The following DIO2 variants were observed in gnomAD, a reference collection of about 807,000 sequenced individuals.
DIO2 encodes type II iodothyronine deiodinase.
Under a neutral mutation model 21.4 loss-of-function variants are expected in DIO2, and 19 were observed. The ratio of observed to expected loss-of-function variants is 0.89; its 90% CI spans 0.62 to 1.30. The LOEUF is 1.30. Among genes scored for constraint, DIO2 ranks in the 50% most tolerant of loss-of-function variants. The pLI, the probability that DIO2 is intolerant of heterozygous loss-of-function variation, is 0.00. For synonymous variants in DIO2, 122 were observed against 132.9 expected (o/e 0.92, Z 0.57); for missense variants, 302 against 338.1 (o/e 0.89, Z 0.84).
chr14:80,213,133 C>T (rs796421767), upstream of DIO2, among the ~76,000 whole-genome samples: 39 of 152,324 alleles, frequency 2.6e-4, no homozygotes, highest in African/African-American at 9.4e-4. Context: ...CAAGGTGCCA[C>T]ATTGACCATT....
At chr14:80,204,162 T>G (rs1887858967) in intron 1 of DIO2, among the ~76,000 whole-genome samples, 1 of 152,096 alleles carries the variant, frequency 6.6e-6, no homozygotes, top group African/African-American at 2.4e-5. Flanking sequence ...CTGCCACTGC[T>G]TACAAGGTGG....
intron 2 of DIO2, among the ~76,000 whole-genome samples, chr14:80,227,724 T>G (rs1390588615): frequency 3.9e-5 from 6 of 152,196 alleles, no homozygotes; most frequent in Non-Finnish European, 1.5e-5. Context: ...AAGAGCAGCT[T>G]GCACAGCAGC....
At chr14:80,204,567 G>T (rs1024686042) in intron 1 of DIO2, among the ~76,000 whole-genome samples, 1 of 152,100 alleles carries the variant, frequency 6.6e-6, no homozygotes, top group African/African-American at 2.4e-5. Context: ...CCTTAGAATG[G>T]TTTAATCAAA....
At chr14:80,228,992 G>A (rs1888632596) in intron 2 of DIO2, among the ~76,000 whole-genome samples, 1 of 152,144 alleles carries the variant, frequency 6.6e-6, no homozygotes, top group Non-Finnish European at 1.5e-5. Context: ...AAGATTCACT[G>A]CATAAACTGT....
Position 80,203,376 on chromosome 14 carries a change from G to A in DIO2, c.223-88C>T, listed in dbSNP as rs116508894. On this transcript the variant is annotated intron_variant, in intron 1 of 1. Transcript: ENST00000438257. ...TTGCCACTTGAATTCACATTAAATA[G>A]TTACAATTGGCTCTAATAGAGTGTG... is the stretch of plus-strand genomic sequence containing the variant. 782 of 1,401,662 alleles carry A rather than the reference G, an allele frequency of 5.6e-4. 5 individuals are homozygous for A. In the African/African-American group the frequency reaches 0.011, roughly 19 times the overall value. The allele number at this position is 1,401,662 out of a possible 1,614,324, so 86.8% of individuals were successfully genotyped here.
chr14:80,220,246 T>G (rs897171025), intron 2 of DIO2, among the ~76,000 whole-genome samples: 4 of 152,174 alleles, frequency 2.6e-5, no homozygotes, highest in Non-Finnish European at 5.9e-5. Context: ...TCATTGTTTT[T>G]GACAGTCCCT....
intron 1 of DIO2, among the ~76,000 whole-genome samples, chr14:80,204,102 A>G (rs1466577925): frequency 1.3e-5 from 2 of 151,990 alleles, no homozygotes; most frequent in African/African-American, 2.4e-5. Flanking sequence ...AAATGCCCTG[A>G]GCAAAGCTTT....
intron 3 of DIO2, among the ~76,000 whole-genome samples, chr14:80,216,508 A>G (rs2140014607): frequency 6.6e-6 from 1 of 152,280 alleles, no homozygotes; most frequent in Admixed American, 6.5e-5. Context: ...CTTGACTCTT[A>G]TTTGGTTTTG....
intron 2 of DIO2, among the ~76,000 whole-genome samples, chr14:80,223,865 C>T (rs1198757735): frequency 2.6e-5 from 4 of 152,066 alleles, no homozygotes; most frequent in Non-Finnish European, 4.4e-5. Flanking sequence ...CTTTAGACAC[C>T]AAGTCAGTAC....
At chr14:80,230,002 G>T in intron 2 of DIO2, among the ~76,000 whole-genome samples, 1 of 152,168 alleles carries the variant, frequency 6.6e-6, no homozygotes, top group East Asian at 1.9e-4. Context: ...GTTGGGGGTA[G>T]CTCCTGAGGA....
At position 80,203,285 on chromosome 14, in the gene DIO2, T is replaced by A; in HGVS notation, c.226A>T (p.Lys76Ter). 6.6e-7 allele frequency: 1 copy of A among 1,505,708 alleles called. No homozygotes were observed. The highest frequency in any genetic ancestry group is 1.3e-5 in the South Asian group (1 of 78,308). 93.3% of individuals were successfully genotyped at this position (1,505,708 alleles called of 1,614,324 possible). ...SFLLDAYKQV[K>*]LGEDAPNSSV... ...GAATTGGGGGCATCCTCACCCAATT[T>A]CACCTGACGGTAAAAAAAAAAAAAA... The change falls in exon 2 of 2, where the codon AAA becomes TAA. Residue 76 changes from lysine (K) to a stop codon, truncating the protein, a stop_gained. Coordinates refer to ENST00000438257, the MANE Select transcript of DIO2 (RefSeq NM_013989.5). LOFTEE classifies it high-confidence loss of function.
At position 80,203,257 on chromosome 14, in the gene DIO2, C is replaced by T. The variant is rs1488001825; in HGVS notation, c.254G>A (p.Ser85Asn). 5 of 1,596,060 alleles carry T rather than the reference C, an allele frequency of 3.1e-6. No homozygotes were observed. The highest frequency in any genetic ancestry group is 3.4e-6 in the Non-Finnish European group (4 of 1,171,924). Residue 85 changes from serine to asparagine, a missense_variant, in exon 2 of 2, where the codon AGT becomes AAT. Physicochemically the swap from Ser to Asn is conservative, Grantham distance 46. Coordinates refer to ENST00000438257, the MANE Select transcript of DIO2 (RefSeq NM_013989.5). ...VKLGEDAPNS[S>N]VVHVSSTEGG... ...TTCTGTACTGGAGACATGCACCACACTGGAATTGGGGGCATCCTCACCCAA... is the reference window on the plus strand; with the variant it reads ...TTCTGTACTGGAGACATGCACCACATTGGAATTGGGGGCATCCTCACCCAA...
intron 1 of DIO2, among the ~76,000 whole-genome samples, chr14:80,203,860 AT>A (rs769392070): frequency 7.2e-5 from 11 of 152,354 alleles, no homozygotes; most frequent in Non-Finnish European, 1.6e-4. Flanking sequence ...TCTACCACTT[AT>A]AAGAAGTGTT....
At position 80,203,206 on chromosome 14, in the gene DIO2, G is replaced by A. The variant is rs369318589; in HGVS notation, c.305C>T (p.Thr102Ile). ...GGCTCCCTCAGCTATCTTCTCCTGG[G>A]TACCATTGCCACTGTTGTCACCTCC... ...TEGGDNSGNGTQEKIAEGATC... is the reference protein window; with the variant it reads ...TEGGDNSGNGIQEKIAEGATC... Residue 102 changes from threonine to isoleucine, a missense_variant, in exon 2 of 2, where the codon ACC (threonine) becomes ATC (isoleucine). By Grantham distance (89) the Thr-to-Ile change is moderately conservative (BLOSUM62 -1). Transcript: ENST00000438257. 1.3e-4 allele frequency: 208 copies of A among 1,609,024 alleles called. No individual in the cohort carries two copies. The highest frequency in any genetic ancestry group is 1.7e-4 in the Non-Finnish European group (204 of 1,177,824).
upstream of DIO2, chr14:80,211,547 GATAAAGGGGGT>G: frequency 4.9e-6 from 1 of 205,626 alleles, no homozygotes; most frequent in South Asian, 5.1e-5. Context: ...GGGGGGTGGT[GATAAAGGGGGT>G]GGGGGAGGTA....
At chr14:80,218,181 A>G (rs1322649037) in intron 2 of DIO2, among the ~76,000 whole-genome samples, 1 of 152,080 alleles carries the variant, frequency 6.6e-6, no homozygotes, top group African/African-American at 2.4e-5. Context: ...CCTTCTTTGT[A>G]AAAACAAACA....
intron 2 of DIO2, among the ~76,000 whole-genome samples, chr14:80,228,817 C>T (rs1224903823): frequency 6.6e-6 from 1 of 152,124 alleles, no homozygotes; most frequent in Non-Finnish European, 1.5e-5. Context: ...CTCTATAAGT[C>T]CCTACTTTAA....
chr14:80,211,379 TG>T lies in DIO2; in HGVS notation c.93del (p.Ile32PhefsTer10). The T allele has an allele frequency of 1.9e-6, 3 of 1,613,726 alleles. No individual in the cohort carries two copies. The highest frequency in any genetic ancestry group is 2.5e-6 in the Non-Finnish European group (3 of 1,179,834). ...AGCAGCACCACGTGCTTGAGCAGAA[TG>T]ACCGAGTCATAGAGAGCCAGGAAGA... ...NCLFLALYDS[V>X]ILLKHVVLLL... is the part of the protein sequence containing the mutation. On this transcript the variant is annotated frameshift_variant, in exon 1 of 2. Transcript: ENST00000438257. LOFTEE classifies it high-confidence loss of function.
chr14:80,208,467 TC>T (rs1371233619), intron 1 of DIO2, among the ~76,000 whole-genome samples: 1 of 152,238 alleles, frequency 6.6e-6, no homozygotes, highest in African/African-American at 2.4e-5. Flanking sequence ...ATACTTTTAC[TC>T]CACTTTCTCT....
Sources: allele counts gnomAD v4.1 joint callset (sites outside exome capture counted in the v4.1 genomes callset), GRCh38; gene constraint gnomAD v4.1.1; transcripts MANE v1.5; gene names NCBI Gene and HGNC (gene_info 2026-07-23, HGNC 2026-07-21).